Variants in AGPAT4 observed in about 807,000 individuals in gnomAD.
The protein encoded by AGPAT4 is 1-acyl-sn-glycerol-3-phosphate acyltransferase delta.
In AGPAT4, 15 loss-of-function variants were observed where a neutral mutation model predicts 48.0. That is an observed-to-expected ratio of 0.31 (90% CI 0.21 to 0.48). The LOEUF (loss-of-function observed/expected upper bound fraction) is 0.48, where lower values mean the gene tolerates loss of function less well. AGPAT4 is among the 20% of genes least tolerant of loss of function. AGPAT4 has a pLI of 0.99. For missense variants in AGPAT4, 314 were observed against 482.5 expected, an observed-to-expected ratio of 0.65 and a Z score of 3.27; for synonymous variants, 178 against 198.7, an observed-to-expected ratio of 0.90 and a Z score of 0.88.
intron 2 of AGPAT4, among the ~76,000 whole-genome samples, chr6:161,224,940 C>A (rs977552762): frequency 6.6e-6 from 1 of 152,206 alleles, no homozygotes; most frequent in Non-Finnish European, 1.5e-5. Flanking sequence ...TTGCCTTCTA[C>A]TTTTAATCTT....
Position 161,222,128 on chromosome 6 carries a change from C to G in AGPAT4, c.178+9908G>C, listed in dbSNP as rs1184372339. Among the ~76,000 whole-genome samples, 1 of 152,222 alleles carries G rather than the reference C, an allele frequency of 6.6e-6. No homozygotes were observed. Among genetic ancestry groups the G allele is most frequent in the Non-Finnish European group, 1.5e-5 (1 of 68,044 alleles). On this transcript the variant is annotated intron_variant, in intron 2 of 8. Coordinates refer to ENST00000320285, the MANE Select transcript of AGPAT4 (RefSeq NM_020133.3). The surrounding 1 kb of genome is among the most constrained non-coding windows in gnomAD (Gnocchi z 5.9). ...AAACACCTTCCTTGTCACCCCTGGTCTCAGGGCCTCTGCCACACCCAGCCT... is the reference window on the plus strand; with the variant it reads ...AAACACCTTCCTTGTCACCCCTGGTGTCAGGGCCTCTGCCACACCCAGCCT...
chr6:161,192,589 C>G (rs1001123921), intron 2 of AGPAT4, among the ~76,000 whole-genome samples: 26 of 152,328 alleles, frequency 1.7e-4, no homozygotes, highest in African/African-American at 5.8e-4. Context: ...TCATTTACAT[C>G]TATCCACGTA....
At position 161,204,320 on chromosome 6, in the gene AGPAT4, C is replaced by T. The variant is rs769302677; in HGVS notation, c.178+27716G>A. 6.6e-6 allele frequency among the ~76,000 whole-genome samples: 1 copy of T among 152,116 alleles called. No homozygotes were observed. The highest frequency in any genetic ancestry group is 1.9e-4 in the East Asian group (1 of 5,164). ...TGAGGAGATGATCTCTAAGTTGGCCCGAATACATTTTCAATCACTGCATTC... is the reference window on the plus strand; with the variant it reads ...TGAGGAGATGATCTCTAAGTTGGCCTGAATACATTTTCAATCACTGCATTC... On this transcript the variant is annotated intron_variant, in intron 2 of 8. Transcript: ENST00000320285. This position sits in a 1 kb window ranked among gnomAD's most constrained non-coding sequence, Gnocchi z 4.4.
At position 161,177,261 on chromosome 6, in the gene AGPAT4, C is replaced by T. The variant is rs1436459777; in HGVS notation, c.179-10844G>A. Among the ~76,000 whole-genome samples the T allele has an allele frequency of 1.3e-5, 2 of 152,172 alleles. No individual in the cohort carries two copies. Among genetic ancestry groups the T allele is most frequent in the South Asian group, 2.1e-4 (1 of 4,824 alleles). On this transcript the variant is annotated intron_variant, in intron 2 of 8. Transcript: ENST00000320285. The surrounding 1 kb of genome is among the most constrained non-coding windows in gnomAD (Gnocchi z 5.0). ...TTTTCCAACGTGGTTCCATTCTCCC[C>T]GTCACTTTCAGGTACATCAATCAGA...
At position 161,214,721 on chromosome 6, in the gene AGPAT4, A is replaced by G. The variant is rs1781598988; in HGVS notation, c.178+17315T>C. On this transcript the variant is annotated intron_variant, in intron 2 of 8. Coordinates refer to ENST00000320285, the MANE Select transcript of AGPAT4 (RefSeq NM_020133.3). This position sits in a 1 kb window ranked among gnomAD's most constrained non-coding sequence, Gnocchi z 5.4. The stretch of plus-strand genomic sequence containing the variant: ...GAGGCAAAGGTTGCAGTGAGCCGAG[A>G]TCGTGCCACTGCACTCTAGCCTGGG... 6.6e-6 allele frequency among the ~76,000 whole-genome samples: 1 copy of G among 152,226 alleles called. No individual in the cohort carries two copies. The highest frequency in any genetic ancestry group is 1.5e-5 in the Non-Finnish European group (1 of 68,034).
rs1365844210 is a variant in AGPAT4, at chr6:161,201,331, C to A, written c.178+30705G>T. Among the ~76,000 whole-genome samples, 1 of 152,060 alleles carries A rather than the reference C, an allele frequency of 6.6e-6. No homozygotes were observed. The highest frequency in any genetic ancestry group is 1.5e-5 in the Non-Finnish European group (1 of 68,010). On this transcript the variant is annotated intron_variant, in intron 2 of 8. Transcript: ENST00000320285. This position sits in a 1 kb window ranked among gnomAD's most constrained non-coding sequence, Gnocchi z 6.0. ...AGTCCCAAGAGAGAGGTTAAAGTAC[C>A]AGAAGAAAAGGAAATTACAGGAACC...
At position 161,215,757 on chromosome 6, in the gene AGPAT4, T is replaced by C. The variant is rs1781629378; in HGVS notation, c.178+16279A>G. 6.6e-6 allele frequency among the ~76,000 whole-genome samples: 1 copy of C among 152,096 alleles called. No individual in the cohort carries two copies. Among genetic ancestry groups the C allele is most frequent in the Non-Finnish European group, 1.5e-5 (1 of 68,012 alleles). On this transcript the variant is annotated intron_variant, in intron 2 of 8. Transcript: ENST00000320285. This position sits in a 1 kb window ranked among gnomAD's most constrained non-coding sequence, Gnocchi z 4.5. The stretch of plus-strand genomic sequence containing the variant: ...AAAACACAAGATCCAAGTTTCCTGT[T>C]GATAGCTCAAACTCTAAAAGTCCTA...
chr6:161,155,460 C>T lies in AGPAT4; in HGVS notation c.349-1150G>A. On this transcript the variant is annotated intron_variant, in intron 3 of 8. Coordinates refer to ENST00000320285, the MANE Select transcript of AGPAT4 (RefSeq NM_020133.3). This position sits in a 1 kb window ranked among gnomAD's most constrained non-coding sequence, Gnocchi z 5.8. ...CCTCTCCTCCCCGTTACACCCATGC[C>T]TCTCCGCAGCTCCAGCTCAGCACAG... is the stretch of plus-strand genomic sequence containing the variant. Among the ~76,000 whole-genome samples the T allele has an allele frequency of 6.6e-6, 1 of 152,146 alleles. No homozygotes were observed. Among genetic ancestry groups the T allele is most frequent in the East Asian group, 1.9e-4 (1 of 5,192 alleles).
chr6:161,231,895 G>T lies in AGPAT4; in HGVS notation c.178+141C>A, dbSNP rs1291608870. On this transcript the variant is annotated intron_variant, in intron 2 of 8. Coordinates refer to ENST00000320285, the MANE Select transcript of AGPAT4 (RefSeq NM_020133.3). The surrounding 1 kb of genome is among the most constrained non-coding windows in gnomAD (Gnocchi z 5.3). ...ATTTTGGGGGATTGAGAACAAAATAGCCATTTCAAACCTAAAACAAAAACA... is the reference window on the plus strand; with the variant it reads ...ATTTTGGGGGATTGAGAACAAAATATCCATTTCAAACCTAAAACAAAAACA... 2 of 796,802 alleles carry T rather than the reference G, an allele frequency of 2.5e-6. No homozygotes were observed. Among genetic ancestry groups the T allele is most frequent in the Non-Finnish European group, 3.8e-6 (2 of 531,768 alleles). The allele number at this position is 796,802 out of a possible 1,614,324, so 49.4% of individuals were successfully genotyped here.
chr6:161,205,973 A>G (rs1441951697), intron 2 of AGPAT4, among the ~76,000 whole-genome samples: 1 of 152,090 alleles, frequency 6.6e-6, no homozygotes, highest in Non-Finnish European at 1.5e-5. Flanking sequence ...AAAGGTGGAG[A>G]GAAGAAGGCA....
rs1351211793 is a variant in AGPAT4, at chr6:161,200,512, T to C, written c.178+31524A>G. On this transcript the variant is annotated intron_variant, in intron 2 of 8. Transcript: ENST00000320285. The surrounding 1 kb of genome is among the most constrained non-coding windows in gnomAD (Gnocchi z 5.5). ...ATTTCCACCCAGTATCTAATCATAGTTGGTCTGGACAAGGGGAAAAACAGT... is the reference window on the plus strand; with the variant it reads ...ATTTCCACCCAGTATCTAATCATAGCTGGTCTGGACAAGGGGAAAAACAGT... Among the ~76,000 whole-genome samples the C allele has an allele frequency of 6.6e-6, 1 of 152,202 alleles. No individual in the cohort carries two copies. The highest frequency in any genetic ancestry group is 6.5e-5 in the Admixed American group (1 of 15,288).
rs1780118812 is a variant in AGPAT4 at position 161,166,990 on chromosome 6, G to T, written c.179-573C>A. 1.3e-5 allele frequency among the ~76,000 whole-genome samples: 2 copies of T among 152,032 alleles called. No individual in the cohort carries two copies. The highest frequency in any genetic ancestry group is 1.3e-4 in the Admixed American group (2 of 15,262). ...GAACTATTGAAATAGTCTTTGTAGG[G>T]GCTTGTGAAAAGAAAAAGATTCTTT... On this transcript the variant is annotated intron_variant, in intron 2 of 8. Coordinates refer to ENST00000320285, the MANE Select transcript of AGPAT4 (RefSeq NM_020133.3). The surrounding 1 kb of genome is among the most constrained non-coding windows in gnomAD (Gnocchi z 6.7).
In AGPAT4 at chr6:161,158,566, A is replaced by C. The variant is rs1779827986; in HGVS notation, c.349-4256T>G. 1.3e-5 allele frequency among the ~76,000 whole-genome samples: 2 copies of C among 152,134 alleles called. No individual in the cohort carries two copies. On this transcript the variant is annotated intron_variant, in intron 3 of 8. Coordinates refer to ENST00000320285, the MANE Select transcript of AGPAT4 (RefSeq NM_020133.3). The surrounding 1 kb of genome is among the most constrained non-coding windows in gnomAD (Gnocchi z 5.3). ...TGAGCGACCCATCCTGAGGCTCCCCACAGCTCAGGGAAGCAGCCAGCCCCA... is the reference window on the plus strand; with the variant it reads ...TGAGCGACCCATCCTGAGGCTCCCCCCAGCTCAGGGAAGCAGCCAGCCCCA...
chr6:161,134,597 A>G lies in AGPAT4; in HGVS notation c.*1943T>C, dbSNP rs943347348. On this transcript the variant is annotated 3_prime_UTR_variant, in exon 9 of 9. Coordinates refer to ENST00000320285, the MANE Select transcript of AGPAT4 (RefSeq NM_020133.3). ...CAGATGGGGAAATGAGTCAGCAAGG[A>G]AAAGTGTCTCACCCAAATCCTACAG... The G allele has an allele frequency of 6.6e-6, 1 of 152,128 alleles. No homozygotes were observed. Among genetic ancestry groups the G allele is most frequent in the African/African-American group, 2.4e-5 (1 of 41,430 alleles). The allele number at this position is 152,128 out of a possible 1,614,324, so 9.4% of individuals were successfully genotyped here.
chr6:161,204,657 A>G lies in AGPAT4; in HGVS notation c.178+27379T>C, dbSNP rs1781330170. On this transcript the variant is annotated intron_variant, in intron 2 of 8. Coordinates refer to ENST00000320285, the MANE Select transcript of AGPAT4 (RefSeq NM_020133.3). This position sits in a 1 kb window ranked among gnomAD's most constrained non-coding sequence, Gnocchi z 4.4. The stretch of plus-strand genomic sequence containing the variant: ...ACAAAATGTCAATCAAAATTGATGT[A>G]TGGTTGTTTGTCATCAGCAGCTGTT... Among the ~76,000 whole-genome samples the G allele has an allele frequency of 6.6e-6, 1 of 152,074 alleles. No homozygotes were observed. The highest frequency in any genetic ancestry group is 1.5e-5 in the Non-Finnish European group (1 of 68,024).
Position 161,242,733 on chromosome 6 carries a change from T to C in AGPAT4, c.-89-10431A>G, listed in dbSNP as rs73595100. On this transcript the variant is annotated intron_variant, in intron 1 of 8. Transcript: ENST00000320285. The surrounding 1 kb of genome is among the most constrained non-coding windows in gnomAD (Gnocchi z 5.0). ...TCCAAACAGAAATGAAAAAAATTAATCTTCCAAACAGGGGAAACGTCCACA... is the reference window on the plus strand; with the variant it reads ...TCCAAACAGAAATGAAAAAAATTAACCTTCCAAACAGGGGAAACGTCCACA... Among the ~76,000 whole-genome samples, 1 of 152,138 alleles carries C rather than the reference T, an allele frequency of 6.6e-6. No homozygotes were observed. Among genetic ancestry groups the C allele is most frequent in the Non-Finnish European group, 1.5e-5 (1 of 68,022 alleles).
At chr6:161,209,579 G>C (rs1781469465) in intron 2 of AGPAT4, among the ~76,000 whole-genome samples, 1 of 152,134 alleles carries the variant, frequency 6.6e-6, no homozygotes, top group Non-Finnish European at 1.5e-5. Flanking sequence ...GGAGAGACCT[G>C]AATTGAGCAT....
At position 161,272,793 on chromosome 6, in the gene AGPAT4, T is replaced by C. The variant is rs1582928071; in HGVS notation, c.-90+1145A>G. 6.6e-6 allele frequency among the ~76,000 whole-genome samples: 1 copy of C among 152,160 alleles called. No individual in the cohort carries two copies. The highest frequency in any genetic ancestry group is 6.5e-5 in the Admixed American group (1 of 15,286). ...TTTCCAACTGAGAGTCGTTGACTAA[T>C]CACAGATGAGTTAATCCTTCCACAG... On this transcript the variant is annotated intron_variant, in intron 1 of 8. Coordinates refer to ENST00000320285, the MANE Select transcript of AGPAT4 (RefSeq NM_020133.3). The surrounding 1 kb of genome is among the most constrained non-coding windows in gnomAD (Gnocchi z 4.2).
intron 3 of AGPAT4, among the ~76,000 whole-genome samples, chr6:161,163,408 T>C (rs549935287): frequency 2.0e-5 from 3 of 152,294 alleles, no homozygotes; most frequent in African/African-American, 7.2e-5. Flanking sequence ...GTTTTTTTTT[T>C]CTGAAGGTCA....
Sources: gnomAD v4.1 joint callset for allele counts (sites outside exome capture counted in the v4.1 genomes callset) on GRCh38, gnomAD v4.1.1 for gene constraint, Gnocchi (gnomAD v3.1) non-coding constraint, MANE v1.5 for transcripts, NCBI Gene and HGNC (gene_info 2026-07-23, HGNC 2026-07-21) for gene names.